Variants in DCAF13 observed in about 807,000 individuals in gnomAD.
The protein encoded by DCAF13 is DDB1 and CUL4 associated factor 13, also known as DDB1- and CUL4-associated factor 13.
In DCAF13, 38 loss-of-function variants were observed where a neutral mutation model predicts 59.0. That is an observed-to-expected ratio of 0.64 (90% CI 0.50 to 0.84). The LOEUF is 0.84. Among genes scored for constraint, DCAF13 ranks in the 40% least tolerant of loss-of-function variants. The pLI is 0.00. For synonymous variants in DCAF13, 173 were observed against 175.0 expected, an observed-to-expected ratio of 0.99 and a Z score of 0.09; for missense variants, 469 against 558.4, an observed-to-expected ratio of 0.84 and a Z score of 1.61.
At chr8:103,437,157 A>G (rs1267961355) in intron 8 of DCAF13, among the ~76,000 whole-genome samples, 2 of 152,138 alleles carry the variant, frequency 1.3e-5, no homozygotes, top group Admixed American at 6.5e-5. Context: ...CTGCCTTGAT[A>G]TTCTCCAAAT....
rs781123809 is a variant in DCAF13, at chr8:103,421,569, A to G, written c.378+487A>G. Among the ~76,000 whole-genome samples, 123 of 152,210 alleles carry G rather than the reference A, an allele frequency of 8.1e-4. 1 individual carries two copies. Among genetic ancestry groups the G allele is most frequent in the Non-Finnish European group, 1.3e-3 (87 of 68,032 alleles). Reference sequence around the variant, plus strand: ...TTTTTCATCATCCCCAGCTGAAACTATAGTCATTAAACAATAACTCCTCTG... The same window carrying G: ...TTTTTCATCATCCCCAGCTGAAACTGTAGTCATTAAACAATAACTCCTCTG... On this transcript the variant is annotated intron_variant, in intron 3 of 10. Transcript: ENST00000612750.
At position 103,440,166 on chromosome 8, in the gene DCAF13, T is replaced by A; in HGVS notation, c.981T>A (p.His327Gln). The change falls in exon 9 of 11, where the codon CAT becomes CAA. Residue 327 changes from histidine to glutamine, a missense_variant. Coordinates refer to ENST00000612750, the MANE Select transcript of DCAF13 (RefSeq NM_015420.7). ...REVYHTKRMQ[H>Q]VICVKWTSDS... ...TATATCATACAAAGAGAATGCAACA[T>A]GTTATCTGTGTAAAATGGACTTCTG... is the stretch of plus-strand genomic sequence containing the variant. 5 of 1,601,740 alleles carry A rather than the reference T, an allele frequency of 3.1e-6. No individual in the cohort carries two copies. Among genetic ancestry groups the A allele is most frequent in the Non-Finnish European group, 4.3e-6 (5 of 1,176,034 alleles).
At chr8:103,431,835 T>C (rs990697582) in intron 6 of DCAF13, among the ~76,000 whole-genome samples, 1 of 152,172 alleles carries the variant, frequency 6.6e-6, no homozygotes, top group East Asian at 1.9e-4. Flanking sequence ...CCTCCTGCTT[T>C]GCACATTCTC....
At position 103,442,771 on chromosome 8, in the gene DCAF13, A is replaced by C. The variant is rs73299375; in HGVS notation, c.1251-24A>C. On this transcript the variant is annotated intron_variant, in intron 10 of 10. Coordinates refer to ENST00000612750, the MANE Select transcript of DCAF13 (RefSeq NM_015420.7). ...TAAGATGAGTTCCCATAACTTGCTT[A>C]TATTTTGTATATTTTATTTCTAGGG... The C allele has an allele frequency of 1.9e-4, 284 of 1,500,942 alleles. 1 individual carries two copies. The African/African-American group carries it at 3.6e-3, about 19-fold the overall frequency. The allele number at this position is 1,500,942 out of a possible 1,614,324, so 93.0% of individuals were successfully genotyped here. A position where few individuals can be genotyped will look rare whatever the true frequency, so the allele number is the denominator to read the frequency against.
At chr8:103,422,350 C>G (rs1816733225) in intron 3 of DCAF13, among the ~76,000 whole-genome samples, 1 of 152,056 alleles carries the variant, frequency 6.6e-6, no homozygotes, top group South Asian at 2.1e-4. Flanking sequence ...CAATATAGAA[C>G]TAATCATTGA....
At chr8:103,434,728 T>C (rs192135526) in intron 7 of DCAF13, among the ~76,000 whole-genome samples, 1 of 152,244 alleles carries the variant, frequency 6.6e-6, no homozygotes, top group East Asian at 1.9e-4. Context: ...TGTATTACTT[T>C]TGTCCATTGT....
At position 103,435,710 on chromosome 8, in the gene DCAF13, C is replaced by T; in HGVS notation, c.870C>T (p.Tyr290=). The change falls in exon 8 of 11, where the codon TAC becomes TAT. Residue 290 remains tyrosine, a synonymous_variant. Transcript: ENST00000612750. ...TATCTGCAGTGCTTGATGTGGATTACTCTCCCACTGGGAAGGAGTTTGTGT... is the reference window on the plus strand; with the variant it reads ...TATCTGCAGTGCTTGATGTGGATTATTCTCCCACTGGGAAGGAGTTTGTGT... The part of the protein sequence containing the change: ...DHVSAVLDVD[Y]SPTGKEFVSA... 1 of 1,613,550 alleles carries T rather than the reference C, an allele frequency of 6.2e-7. No individual in the cohort carries two copies. Among genetic ancestry groups the T allele is most frequent in the Non-Finnish European group, 8.5e-7 (1 of 1,179,668 alleles).
intron 3 of DCAF13, among the ~76,000 whole-genome samples, chr8:103,423,216 A>T (rs1248247193): frequency 6.6e-6 from 1 of 151,984 alleles, no homozygotes; most frequent in Non-Finnish European, 1.5e-5. Flanking sequence ...CAGAGGACTT[A>T]GTGTATTTTT....
At chr8:103,435,937 A>T in intron 8 of DCAF13, 147 bp downstream of exon 8, 1 of 762,470 alleles carries the variant, frequency 1.3e-6, no homozygotes, top group East Asian at 2.7e-5. Context: ...AACGTGTTGC[A>T]CACCTAGGCT....
rs570380346 is a variant in DCAF13, at chr8:103,420,252, T to G, written c.71-12T>G. ...AAGTGTGAATTATTAAGAAGGATCA[T>G]TCTTATTTCAGTTCCAAGAAACTAT... On this transcript the variant is annotated splice_polypyrimidine_tract_variant and intron_variant, in intron 1 of 10. Coordinates refer to ENST00000612750, the MANE Select transcript of DCAF13 (RefSeq NM_015420.7). The G allele has an allele frequency of 6.2e-7, 1 of 1,611,692 alleles. No homozygotes were observed. Among genetic ancestry groups the G allele is most frequent in the Non-Finnish European group, 8.5e-7 (1 of 1,178,098 alleles).
intron 5 of DCAF13, chr8:103,427,569 G>A (rs1288961626): frequency 1.5e-5 from 5 of 327,192 alleles, no homozygotes; most frequent in Non-Finnish European, 2.8e-5. Context: ...ATGTTCCATA[G>A]ATTATGTCAT....
In DCAF13 at chr8:103,443,005, G is replaced by T; in HGVS notation, c.*123G>T. On this transcript the variant is annotated 3_prime_UTR_variant, in exon 11 of 11. Transcript: ENST00000612750. ...TTAGTTATATGTGTAGAGCTTTATT[G>T]TTACTCCTTTTAGCTACCCTGAAAA... is the stretch of plus-strand genomic sequence containing the variant. The T allele has an allele frequency of 1.7e-6, 1 of 599,408 alleles. No homozygotes were observed. 37.1% of individuals were successfully genotyped at this position (599,408 alleles called of 1,614,324 possible).
At chr8:103,441,233 G>T in intron 9 of DCAF13, 1 of 437,180 alleles carries the variant, frequency 2.3e-6, no homozygotes, top group Non-Finnish European at 4.0e-6. Flanking sequence ...GCTTTCTACT[G>T]GGTGGCATCT....
chr8:103,442,757 C>A, intron 10 of DCAF13, 38 bp from the exon 11 acceptor site: 1 of 1,390,340 alleles, frequency 7.2e-7, no homozygotes, highest in Non-Finnish European at 9.7e-7. Context: ...AAGATGAGTT[C>A]CCATAACTTG....
chr8:103,432,450 G>T (rs1816878799), intron 6 of DCAF13, among the ~76,000 whole-genome samples: 1 of 152,108 alleles, frequency 6.6e-6, no homozygotes, highest in Admixed American at 6.6e-5. Context: ...TAAGTTGTTT[G>T]AGATTAGGAG....
intron 7 of DCAF13, among the ~76,000 whole-genome samples, chr8:103,433,756 G>A (rs1185262219): frequency 1.3e-5 from 2 of 151,740 alleles, no homozygotes; most frequent in African/African-American, 4.8e-5. Flanking sequence ...AGACCCTGGT[G>A]TCTTAAAAAA....
intron 4 of DCAF13, 54 bp from the exon 5 acceptor site, chr8:103,427,043 T>G: frequency 7.5e-7 from 1 of 1,332,722 alleles, no homozygotes; most frequent in Non-Finnish European, 1.0e-6. Flanking sequence ...AATATTATTC[T>G]GCAGATTTGA....
At chr8:103,440,103 C>T in intron 8 of DCAF13, 33 bp from the exon 9 acceptor site, 1 of 1,504,588 alleles carries the variant, frequency 6.6e-7, no homozygotes, top group Non-Finnish European at 8.8e-7. Context: ...GTACCAAAAT[C>T]CAAAGGGTTT....
intron 1 of DCAF13, among the ~76,000 whole-genome samples, chr8:103,418,846 A>ATT (rs1816668322): frequency 1.9e-4 from 3 of 15,744 alleles, no homozygotes; most frequent in East Asian, 2.0e-3. Flanking sequence ...ATATATATAT[A>ATT]TATATATATA....
Sources: allele counts gnomAD v4.1 joint callset (sites outside exome capture counted in the v4.1 genomes callset), GRCh38; gene constraint gnomAD v4.1.1; transcripts MANE v1.5; gene names NCBI Gene and HGNC (gene_info 2026-07-23, HGNC 2026-07-21).